Variants in PACRGL observed in about 807,000 individuals in gnomAD.
PACRGL encodes PACRG-like protein.
A neutral mutation model predicts 34.5 loss-of-function variants in PACRGL; 38 were observed. The ratio of observed to expected loss-of-function variants is 1.10; its 90% CI spans 0.85 to 1.44. The LOEUF (loss-of-function observed/expected upper bound fraction) is 1.44, where lower values mean the gene tolerates loss of function less well. Ranked by LOEUF, PACRGL falls within the 40% of genes most tolerant of loss-of-function variation. The pLI is 0.00. For synonymous variants in PACRGL, 128 were observed against 100.1 expected (o/e 1.28, Z -1.66); for missense variants, 305 against 281.4 (o/e 1.08, Z -0.60).
intron 8 of PACRGL, among the ~76,000 whole-genome samples, chr4:20,739,370 T>G (rs2149295011): frequency 6.6e-6 from 1 of 152,224 alleles, no homozygotes; most frequent in Admixed American, 6.5e-5. Flanking sequence ...CAGGTGCCCC[T>G]CTAAGACAAA....
chr4:20,716,074 A>G (rs1338426630), intron 7 of PACRGL: 3 of 1,513,290 alleles, frequency 2.0e-6, no homozygotes, highest in African/African-American at 2.8e-5. Context: ...CCTGATATGT[A>G]TAACTTTAAT....
At chr4:20,715,732 T>C (rs575346490) in intron 7 of PACRGL, among the ~76,000 whole-genome samples, 9 of 152,156 alleles carry the variant, frequency 5.9e-5, no homozygotes, top group African/African-American at 2.2e-4. Context: ...CCAAGTGTGG[T>C]GGCATACACC....
rs1443358027 is a variant in PACRGL at position 20,752,473 on chromosome 4, G to A, written c.*57-92G>A. The stretch of plus-strand genomic sequence containing the variant: ...TTAGCTATTATTATTTCCTAGGCAA[G>A]CCACTTTTATTTCAACTACCTTAAA... On this transcript the variant is annotated intron_variant, in intron 8 of 8. Coordinates refer to the PACRGL transcript ENST00000507634. 2.6e-5 allele frequency: 4 copies of A among 152,126 alleles called. No homozygotes were observed. The East Asian group carries it at 5.8e-4, about 22-fold the overall frequency. The allele number at this position is 152,126 out of a possible 1,614,324, so 9.4% of individuals were successfully genotyped here.
chr4:20,742,314 C>T (rs1365175574), intron 8 of PACRGL, among the ~76,000 whole-genome samples: 1 of 152,126 alleles, frequency 6.6e-6, no homozygotes, highest in Non-Finnish European at 1.5e-5. Flanking sequence ...TGCAAAAATC[C>T]TCAATAAAAT....
Position 20,729,463 on chromosome 4 carries a change from A to ATAAT in PACRGL, c.*2123_*2126dup, listed in dbSNP as rs1299112341. The ATAAT allele has an allele frequency of 1.3e-5, 2 of 150,250 alleles. No homozygotes were observed. The highest frequency in any genetic ancestry group is 3.0e-5 in the Non-Finnish European group (2 of 67,530). The allele number at this position is 150,250 out of a possible 1,614,324, so 9.3% of individuals were successfully genotyped here. Reference sequence around the variant, plus strand: ...TTTATTAGGCATATGCTGATATCTGATAATAAACTAATTTTTAAATGTTTA... The same window carrying ATAAT: ...TTTATTAGGCATATGCTGATATCTGATAATTAATAAACTAATTTTTAAATGTTTA... On this transcript the variant is annotated 3_prime_UTR_variant, in exon 9 of 9. Transcript: ENST00000503585.
intron 8 of PACRGL, chr4:20,752,525 G>A (rs1273033501): frequency 6.6e-6 from 1 of 152,118 alleles, no homozygotes; most frequent in Non-Finnish European, 1.5e-5. Context: ...TTTTACAAAC[G>A]TAACATCTTT....
downstream of PACRGL, chr4:20,732,818 A>G (rs1342675294): frequency 7.8e-7 from 1 of 1,275,704 alleles, no homozygotes; most frequent in Non-Finnish European, 1.1e-6. Context: ...GTGAGGCTGC[A>G]CACATGTATG....
rs772477637 is a variant in PACRGL at position 20,709,672 on chromosome 4, T to G, written c.276-11T>G. On this transcript the variant is annotated splice_polypyrimidine_tract_variant and intron_variant, in intron 4 of 8. Coordinates refer to ENST00000503585, the MANE Select transcript of PACRGL (RefSeq NM_001258345.3). Reference sequence around the variant, plus strand: ...TTTTTCTTGTTGCATTCACTAACTTTTATATTTTAGATTGGTACATGGTTC... The same window carrying G: ...TTTTTCTTGTTGCATTCACTAACTTGTATATTTTAGATTGGTACATGGTTC... The G allele has an allele frequency of 1.9e-6, 3 of 1,547,582 alleles. No homozygotes were observed. The East Asian group carries it at 6.8e-5, about 35-fold the overall frequency.
chr4:20,738,120 A>T (rs1013611575), intron 8 of PACRGL, among the ~76,000 whole-genome samples: 1 of 149,220 alleles, frequency 6.7e-6, no homozygotes, highest in Non-Finnish European at 1.5e-5. Context: ...ACAGACCAAG[A>T]CTCTGTCTCA....
chr4:20,746,162 C>T lies in PACRGL; in HGVS notation c.*57-6403C>T, dbSNP rs71607033. ...TCAATAATACACTGGATAAAGAAAA[C>T]GTGGCACATATACACCATGGAATAC... On this transcript the variant is annotated intron_variant, in intron 8 of 8. Transcript: ENST00000507634. Among the ~76,000 whole-genome samples the T allele has an allele frequency of 6.5e-3, 983 of 152,046 alleles. 2 individuals are homozygous for T. Among genetic ancestry groups the T allele is most frequent in the Middle Eastern group, 0.017 (5 of 294 alleles).
chr4:20,704,212 G>T (rs1164996987), intron 1 of PACRGL, among the ~76,000 whole-genome samples: 1 of 152,110 alleles, frequency 6.6e-6, no homozygotes, highest in Non-Finnish European at 1.5e-5. Flanking sequence ...AGTTTATTTT[G>T]ACAATTTGAA....
chr4:20,724,288 T>G lies in PACRGL; in HGVS notation c.610-520T>G, dbSNP rs997884041. On this transcript the variant is annotated intron_variant, in intron 7 of 8. Coordinates refer to ENST00000503585, the MANE Select transcript of PACRGL (RefSeq NM_001258345.3). ...GCATCTCAAGTGATTCTGAGGCTGA[T>G]GGCCCATGGATCTGCATGTAAACCT... 1.7e-4 allele frequency among the ~76,000 whole-genome samples: 26 copies of G among 152,282 alleles called. No homozygotes were observed. In the South Asian group the frequency reaches 2.5e-3, roughly 15 times the overall value.
chr4:20,702,080 C>G (rs1207910942), intron 1 of PACRGL: 1 of 444,340 alleles, frequency 2.3e-6, no homozygotes, highest in African/African-American at 2.0e-5. Context: ...AAAACTTTTT[C>G]AAATGAGTTT....
Position 20,729,805 on chromosome 4 carries a change from C to CAATAAAACTATATGCCA in PACRGL, c.*2465_*2481dup. ...CTCAATAATCCCATGGCTAAGGAAC[C>CAATAAAACTATATGCCA]AATAAAACTATATGCCAGATTCTAT... On this transcript the variant is annotated 3_prime_UTR_variant, in exon 9 of 9. Transcript: ENST00000503585. The CAATAAAACTATATGCCA allele has an allele frequency of 3.1e-6, 1 of 319,172 alleles. No homozygotes were observed. The highest frequency in any genetic ancestry group is 4.8e-5 in the Admixed American group (1 of 20,850). The allele number at this position is 319,172 out of a possible 1,614,324, so 19.8% of individuals were successfully genotyped here.
At chr4:20,713,099 C>A in intron 6 of PACRGL, 177 bp downstream of exon 6, 1 of 623,780 alleles carries the variant, frequency 1.6e-6, no homozygotes, top group Non-Finnish European at 2.5e-6. Flanking sequence ...CAGATAACTA[C>A]ATACTTGAAG....
chr4:20,739,891 G>T (rs1750635557), intron 8 of PACRGL, among the ~76,000 whole-genome samples: 1 of 152,168 alleles, frequency 6.6e-6, no homozygotes, highest in Non-Finnish European at 1.5e-5. Flanking sequence ...GCGTAGAGAA[G>T]ACCTTAAATG....
Position 20,731,748 on chromosome 4 carries a change from T to C in PACRGL, c.*4407T>C. The C allele has an allele frequency of 1.0e-6, 1 of 985,400 alleles. No homozygotes were observed. Among genetic ancestry groups the C allele is most frequent in the Non-Finnish European group, 1.2e-6 (1 of 829,926 alleles). The allele number at this position is 985,400 out of a possible 1,614,324, so 61.0% of individuals were successfully genotyped here. ...CCTCCATGAATACTCTCTAAGGAAT[T>C]TGGGAATCAACACAGTACATGTACA... On this transcript the variant is annotated 3_prime_UTR_variant, in exon 9 of 9. Coordinates refer to ENST00000503585, the MANE Select transcript of PACRGL (RefSeq NM_001258345.3).
chr4:20,703,487 TG>T (rs1339711069), intron 1 of PACRGL, among the ~76,000 whole-genome samples: 1 of 141,112 alleles, frequency 7.1e-6, no homozygotes, highest in African/African-American at 2.6e-5. Flanking sequence ...AGTGTGTGTG[TG>T]TGTGTGTGTG....
chr4:20,711,606 T>C (rs1301585536), intron 5 of PACRGL, among the ~76,000 whole-genome samples: 4 of 152,170 alleles, frequency 2.6e-5, no homozygotes, highest in Non-Finnish European at 2.9e-5. Flanking sequence ...GAAAATTGGT[T>C]TTTCTAAGCA....
Sources: allele counts gnomAD v4.1 joint callset (sites outside exome capture counted in the v4.1 genomes callset), GRCh38; gene constraint gnomAD v4.1.1; transcripts MANE v1.5; gene names NCBI Gene and HGNC (gene_info 2026-07-23, HGNC 2026-07-21).